Variants in DENND1A observed in about 807,000 individuals in gnomAD.
DENND1A encodes the protein DENN domain containing 1A.
In DENND1A, 51 loss-of-function variants were observed where a neutral mutation model predicts 113.7. The observed-to-expected ratio is 0.45, with a 90% CI of 0.36 to 0.57. The LOEUF (loss-of-function observed/expected upper bound fraction) is 0.57, where lower values mean the gene tolerates loss of function less well. Ranked by LOEUF, DENND1A falls within the 20% of genes least tolerant of loss-of-function variation. The probability of loss-of-function intolerance (pLI) is 0.00; values close to 1 mark genes in which losing one functional copy is unlikely to be tolerated. For synonymous variants in DENND1A, 565 were observed against 570.8 expected, an observed-to-expected ratio of 0.99 and a Z score of 0.14; for missense variants, 1,258 against 1,395.9, an observed-to-expected ratio of 0.90 and a Z score of 1.57.
intron 5 of DENND1A, among the ~76,000 whole-genome samples, chr9:123,681,029 G>A (rs1006922948): frequency 3.3e-5 from 5 of 152,130 alleles, no homozygotes; most frequent in Admixed American, 6.5e-5. Flanking sequence ...TCCCACTGAG[G>A]GGTCATTGGG....
At chr9:123,507,112 C>T (rs914909197) in intron 13 of DENND1A, among the ~76,000 whole-genome samples, 1 of 152,202 alleles carries the variant, frequency 6.6e-6, no homozygotes, top group Non-Finnish European at 1.5e-5. Context: ...TAGCTTGAAC[C>T]TGGGAGATGG....
At chr9:123,409,816 G>C (rs1229851059) in intron 20 of DENND1A, among the ~76,000 whole-genome samples, 4 of 152,200 alleles carry the variant, frequency 2.6e-5, no homozygotes. Context: ...CGTTGGCCGG[G>C]TGCGGTGGCT....
At chr9:123,816,199 A>G (rs1590205897) in intron 2 of DENND1A, among the ~76,000 whole-genome samples, 1 of 151,862 alleles carries the variant, frequency 6.6e-6, no homozygotes, top group South Asian at 2.1e-4. Context: ...ATGGGGTTTC[A>G]CCATGTTTGT....
intron 8 of DENND1A, among the ~76,000 whole-genome samples, chr9:123,662,466 G>A (rs2063290114): frequency 6.6e-6 from 1 of 152,188 alleles, no homozygotes; most frequent in Non-Finnish European, 1.5e-5. Context: ...GGGAGGCTGA[G>A]ACAGGACAAT....
chr9:123,452,300 C>T lies in DENND1A; in HGVS notation c.1275G>A (p.Pro425=), dbSNP rs757052941. The part of the protein sequence containing the change: ...ILNTVKTKAN[P]AMKTVYKFAK... ...CGAACTTGTAGACAGTCTTCATGGC[C>T]GGATTTGCTTTGGTCTTTACAGTAT... Residue 425 remains proline, a synonymous_variant, in exon 17 of 24, where the codon CCG becomes CCA. Transcript: ENST00000394215. 15 of 1,614,084 alleles carry T rather than the reference C, an allele frequency of 9.3e-6. No individual in the cohort carries two copies. Among genetic ancestry groups the T allele is most frequent in the Middle Eastern group, 1.6e-4 (1 of 6,084 alleles).
intron 23 of DENND1A, 87 bp from the exon 24 acceptor site, chr9:123,382,712 A>ACACCACTTC: frequency 3.6e-6 from 5 of 1,389,438 alleles, no homozygotes; most frequent in Non-Finnish European, 5.0e-6. Context: ...TGTGTGCTGA[A>ACACCACTTC]TGTGTGCTGG....
At chr9:123,618,846 G>A (rs1262117748) in intron 10 of DENND1A, among the ~76,000 whole-genome samples, 1 of 151,516 alleles carries the variant, frequency 6.6e-6, no homozygotes, top group African/African-American at 2.4e-5. Flanking sequence ...GAGGGACAGG[G>A]CTAAAGGCTG....
chr9:123,614,100 A>T (rs889321332), intron 10 of DENND1A, among the ~76,000 whole-genome samples: 1 of 152,246 alleles, frequency 6.6e-6, no homozygotes, highest in African/African-American at 2.4e-5. Flanking sequence ...TGCTCAAGGG[A>T]ACTCTGCAAG....
chr9:123,839,474 TAA>T (rs1841514476), intron 2 of DENND1A, among the ~76,000 whole-genome samples: 2 of 152,204 alleles, frequency 1.3e-5, no homozygotes, highest in Non-Finnish European at 2.9e-5. Context: ...ACAAACCTTA[TAA>T]AATACATGAT....
rs182494246 is a variant in DENND1A at position 123,533,999 on chromosome 9, G to C, written c.993+23571C>G. On this transcript the variant is annotated intron_variant, in intron 13 of 23. Coordinates refer to ENST00000394215, the MANE Select transcript of DENND1A (RefSeq NM_001352964.2). Reference sequence around the variant, plus strand: ...GGATTTTAAACATGATATTATGAAAGACAAGATTTGGAAATTATTAATACT... The same window carrying C: ...GGATTTTAAACATGATATTATGAAACACAAGATTTGGAAATTATTAATACT... Among the ~76,000 whole-genome samples the C allele has an allele frequency of 3.3e-5, 5 of 152,220 alleles. No individual in the cohort carries two copies. In the East Asian group the frequency reaches 9.6e-4, roughly 29 times the overall value.
intron 5 of DENND1A, among the ~76,000 whole-genome samples, chr9:123,745,075 C>T (rs2069375800): frequency 6.6e-6 from 1 of 152,136 alleles, no homozygotes. Context: ...CGTGCCTGGC[C>T]TACTTATATT....
intron 1 of DENND1A, among the ~76,000 whole-genome samples, chr9:123,910,406 CAT>C (rs1342587162): frequency 6.6e-6 from 1 of 152,072 alleles, no homozygotes; most frequent in African/African-American, 2.4e-5. Context: ...TGGACAACCA[CAT>C]GAGGGAAGAA....
At chr9:123,633,097 G>A (rs1455047995) in intron 9 of DENND1A, among the ~76,000 whole-genome samples, 8 of 151,986 alleles carry the variant, frequency 5.3e-5, no homozygotes, top group Non-Finnish European at 1.0e-4. Context: ...TTGTAGAGAC[G>A]GGGTTTCGCC....
intron 13 of DENND1A, among the ~76,000 whole-genome samples, chr9:123,530,967 C>T (rs963315566): frequency 2.1e-4 from 32 of 152,008 alleles, no homozygotes; most frequent in African/African-American, 7.2e-4. Context: ...TATGGTTGAC[C>T]TTGATAACTG....
At chr9:123,760,243 T>C (rs1432037032) in intron 4 of DENND1A, among the ~76,000 whole-genome samples, 2 of 152,222 alleles carry the variant, frequency 1.3e-5, no homozygotes, top group Admixed American at 6.5e-5. Flanking sequence ...AGAATTCTTA[T>C]TGAGTCTTTG....
intron 3 of DENND1A, among the ~76,000 whole-genome samples, chr9:123,785,924 C>T (rs899408676): frequency 3.3e-5 from 5 of 152,236 alleles, no homozygotes; most frequent in South Asian, 2.1e-4. Context: ...TAGAAAAGCA[C>T]ACATCTGGCC....
At chr9:123,810,253 T>C (rs1836324830) in intron 2 of DENND1A, among the ~76,000 whole-genome samples, 1 of 152,154 alleles carries the variant, frequency 6.6e-6, no homozygotes, top group East Asian at 1.9e-4. Context: ...CTCTCTTTCA[T>C]GTCGCAAGGC....
intron 1 of DENND1A, among the ~76,000 whole-genome samples, chr9:123,900,684 A>G (rs1851479242): frequency 6.6e-6 from 1 of 152,244 alleles, no homozygotes; most frequent in Non-Finnish European, 1.5e-5. Flanking sequence ...GCTCCACCAC[A>G]CAAACGGCCT....
chr9:123,702,784 A>G (rs1016314535), intron 5 of DENND1A, among the ~76,000 whole-genome samples: 3 of 152,238 alleles, frequency 2.0e-5, no homozygotes, highest in Admixed American at 1.3e-4. Flanking sequence ...CACTATCACC[A>G]GACCTGTCTT....
Sources: gnomAD v4.1 joint callset for allele counts (sites outside exome capture counted in the v4.1 genomes callset) on GRCh38, gnomAD v4.1.1 for gene constraint, MANE v1.5 for transcripts, NCBI Gene and HGNC (gene_info 2026-07-23, HGNC 2026-07-21) for gene names.